The following RGS9 variants were observed in gnomAD, a reference collection of about 807,000 sequenced individuals.
The protein encoded by RGS9 is regulator of G protein signaling 9.
A neutral mutation model predicts 102.0 loss-of-function variants in RGS9; 78 were observed. The observed-to-expected ratio is 0.76, with a 90% CI of 0.64 to 0.92. The LOEUF (loss-of-function observed/expected upper bound fraction) is 0.92, where lower values mean the gene tolerates loss of function less well. RGS9 is among the 40% of genes least tolerant of loss of function. The pLI is 0.00. For synonymous variants in RGS9, 353 were observed against 318.6 expected, an observed-to-expected ratio of 1.11 and a Z score of -1.15; for missense variants, 833 against 866.1, an observed-to-expected ratio of 0.96 and a Z score of 0.48.
At chr17:65,151,928 C>T (rs1429485677) in intron 1 of RGS9, among the ~76,000 whole-genome samples, 2 of 152,176 alleles carry the variant, frequency 1.3e-5, no homozygotes, top group East Asian at 1.9e-4. Context: ...CTTCCTGACA[C>T]TTGACATCCA....
At chr17:65,155,088 A>G (rs1180503036) in intron 2 of RGS9, among the ~76,000 whole-genome samples, 1 of 152,262 alleles carries the variant, frequency 6.6e-6, no homozygotes, top group Admixed American at 6.5e-5. Flanking sequence ...GCTATAGAGC[A>G]GCTCATGGAG....
At chr17:65,216,335 G>A (rs1160281750) in intron 17 of RGS9, among the ~76,000 whole-genome samples, 1 of 152,144 alleles carries the variant, frequency 6.6e-6, no homozygotes. Context: ...GAGACAGATT[G>A]GTTTTAGAAT....
chr17:65,227,376 A>T lies in RGS9; in HGVS notation c.1994A>T (p.Lys665Met), dbSNP rs1385636578. ...TGESGDRATEKEVICPWESL is the reference protein window; with the variant it reads ...TGESGDRATEMEVICPWESL ...GAGTCGGGTGACCGGGCCACAGAAA[A>T]GGAGGTCATCTGCCCCTGGGAGAGC... Residue 665 changes from lysine to methionine, a missense_variant, in exon 19 of 19, where the codon AAG becomes ATG. Physicochemically the swap from Lys to Met is moderately conservative, Grantham distance 95. Transcript: ENST00000262406. 1 of 1,614,072 alleles carries T rather than the reference A, an allele frequency of 6.2e-7. No homozygotes were observed.
At chr17:65,207,798 A>G (rs934961639) in intron 15 of RGS9, 124 bp from the exon 16 acceptor site, 1 of 676,994 alleles carries the variant, frequency 1.5e-6, no homozygotes, top group African/African-American at 1.8e-5. Flanking sequence ...CTTTCACCCA[A>G]GGAGACAAAT....
intron 13 of RGS9, among the ~76,000 whole-genome samples, chr17:65,198,584 C>T (rs979049490): frequency 1.3e-5 from 2 of 152,166 alleles, no homozygotes; most frequent in East Asian, 1.9e-4. Context: ...CTGCACTTCC[C>T]GGAGAAGCAT....
chr17:65,212,875 A>C (rs1215560219), intron 17 of RGS9, among the ~76,000 whole-genome samples: 1 of 152,186 alleles, frequency 6.6e-6, no homozygotes, highest in Admixed American at 6.5e-5. Context: ...ACACGAGAGG[A>C]GGGACTGTAT....
chr17:65,224,508 G>A (rs1416195868), intron 17 of RGS9, among the ~76,000 whole-genome samples: 1 of 152,222 alleles, frequency 6.6e-6, no homozygotes, highest in Non-Finnish European at 1.5e-5. Flanking sequence ...GGGGCCTCAG[G>A]CCCGGAGCAG....
At chr17:65,167,734 G>A (rs1320941400) in intron 7 of RGS9, among the ~76,000 whole-genome samples, 1 of 152,192 alleles carries the variant, frequency 6.6e-6, no homozygotes, top group Non-Finnish European at 1.5e-5. Context: ...CGACCCGGAA[G>A]TTCACCCATG....
chr17:65,178,354 T>C lies in RGS9; in HGVS notation c.654+551T>C, dbSNP rs1469550187. ...TTAAAAAAAAATACCTTTCCTCAAA[T>C]AGGCCATCTTTCATGATGGATAGCC... On this transcript the variant is annotated intron_variant, in intron 9 of 18. Transcript: ENST00000262406. 2.6e-5 allele frequency among the ~76,000 whole-genome samples: 4 copies of C among 152,254 alleles called. No individual in the cohort carries two copies. In the East Asian group the frequency reaches 7.7e-4, roughly 29 times the overall value.
chr17:65,202,314 T>C (rs998016633), intron 14 of RGS9, among the ~76,000 whole-genome samples: 7 of 152,062 alleles, frequency 4.6e-5, no homozygotes, highest in Non-Finnish European at 1.0e-4. Context: ...CCTGTTCCTA[T>C]GGGAATGTGT....
At chr17:65,215,204 G>A (rs2144117584) in intron 17 of RGS9, among the ~76,000 whole-genome samples, 1 of 152,300 alleles carries the variant, frequency 6.6e-6, no homozygotes, top group East Asian at 1.9e-4. Flanking sequence ...GAGGGTGGTG[G>A]TGGGTTCAGA....
chr17:65,159,573 C>G lies in RGS9; in HGVS notation c.206-660C>G, dbSNP rs114450988. Among the ~76,000 whole-genome samples, 299 of 152,088 alleles carry G rather than the reference C, an allele frequency of 2.0e-3. 1 individual carries two copies. Among genetic ancestry groups the G allele is most frequent in the African/African-American group, 7.1e-3 (294 of 41,490 alleles). On this transcript the variant is annotated intron_variant, in intron 3 of 18. Transcript: ENST00000262406. ...TGGGTCCTTGGGCTGGGGGGTCCTG[C>G]AGGAATGGAGGGATGGAATCCTCCC...
chr17:65,225,402 G>T lies in RGS9; in HGVS notation c.1808G>T (p.Cys603Phe). ...SPVFARLSPK[C>F]PAVSHGRVQP... ...GTCTTTGCCAGGCTCTCACCCAAGT[G>T]CCCTGCTGTGTCCCACGGGAGGGTG... The change falls in exon 18 of 19, where the codon TGC becomes TTC. Residue 603 changes from cysteine to phenylalanine, a missense_variant. By Grantham distance (205) the Cys-to-Phe change is radical. Around this residue, in one of 3 missense-constraint regions of RGS9, gnomAD observed 320 missense variants for 276.8 expected, o/e 1.16. Transcript: ENST00000262406. The T allele has an allele frequency of 6.2e-7, 1 of 1,611,390 alleles. No individual in the cohort carries two copies.
At chr17:65,199,234 A>T (rs1244998879) in intron 13 of RGS9, among the ~76,000 whole-genome samples, 1 of 152,196 alleles carries the variant, frequency 6.6e-6, no homozygotes, top group Admixed American at 6.5e-5. Flanking sequence ...TTGTGCAACC[A>T]TCATCACTAA....
At chr17:65,137,964 A>C (rs1018281065) in intron 1 of RGS9, among the ~76,000 whole-genome samples, 8 of 152,122 alleles carry the variant, frequency 5.3e-5, no homozygotes, top group African/African-American at 1.9e-4. Flanking sequence ...TCTGATCCCA[A>C]ACTGCACTAT....
At chr17:65,141,504 G>A (rs911331069) in intron 1 of RGS9, among the ~76,000 whole-genome samples, 15 of 152,214 alleles carry the variant, frequency 9.9e-5, no homozygotes, top group African/African-American at 3.6e-4. Flanking sequence ...TATCCAGGCC[G>A]AGTTTGGTAT....
rs536700376 is a variant in RGS9 at position 65,187,863 on chromosome 17, G to C, written c.655-1423G>C. 3.4e-4 allele frequency among the ~76,000 whole-genome samples: 52 copies of C among 152,308 alleles called. No homozygotes were observed. The Middle Eastern group carries it at 0.014, about 40-fold the overall frequency. ...ATACAAAAATTAGCTGGGCGTGGTG[G>C]TGTGTGCCTGTAGTCCCAGCTACTT... is the stretch of plus-strand genomic sequence containing the variant. On this transcript the variant is annotated intron_variant, in intron 9 of 18. Transcript: ENST00000262406.
intron 8 of RGS9, among the ~76,000 whole-genome samples, chr17:65,171,842 G>A (rs541920280): frequency 2.0e-5 from 3 of 152,346 alleles, no homozygotes; most frequent in Admixed American, 6.5e-5. Flanking sequence ...AGTGAGTTTT[G>A]TAAATGAACA....
intron 2 of RGS9, among the ~76,000 whole-genome samples, chr17:65,154,831 G>A (rs1467344779): frequency 6.6e-6 from 1 of 152,156 alleles, no homozygotes; most frequent in Non-Finnish European, 1.5e-5. Flanking sequence ...GCCCAAGCCC[G>A]GGCCTCACCA....
Sources: allele counts gnomAD v4.1 joint callset (sites outside exome capture counted in the v4.1 genomes callset), GRCh38; gene constraint gnomAD v4.1.1; regional missense constraint gnomAD v4.1.1; transcripts MANE v1.5; gene names NCBI Gene and HGNC (gene_info 2026-07-23, HGNC 2026-07-21).